AMMECR1: variants seen among roughly 807,000 people sequenced by gnomAD.
AMMECR1 encodes the protein AMMECR nuclear protein 1.
Under a neutral mutation model 22.5 loss-of-function variants are expected in AMMECR1, and 3 were observed. The ratio of observed to expected loss-of-function variants is 0.13; its 90% CI spans 0.06 to 0.35. The LOEUF is 0.35. Among genes scored for constraint, AMMECR1 ranks in the 10% least tolerant of loss-of-function variants. The pLI, the probability that AMMECR1 is intolerant of heterozygous loss-of-function variation, is 1.00. For synonymous variants in AMMECR1, 130 were observed against 116.7 expected (o/e 1.11, Z -0.74); for missense variants, 235 against 278.7 (o/e 0.84, Z 1.12).
intron 2 of AMMECR1, among the ~76,000 whole-genome samples, chrX:110,257,553 T>C (rs1394522145): frequency 8.9e-6 from 1 of 112,063 alleles, no homozygotes; most frequent in Non-Finnish European, 1.9e-5. Context: ...ATATGGTTGC[T>C]TTGATAATAA....
At chrX:110,398,986 T>C (rs1258631775) in intron 2 of AMMECR1, among the ~76,000 whole-genome samples, 1 of 112,086 alleles carries the variant, frequency 8.9e-6, no homozygotes, top group African/African-American at 3.2e-5. Flanking sequence ...GCCATATATG[T>C]TGACTAGGAG....
At chrX:110,336,985 G>A (rs1204520510) in intron 2 of AMMECR1, among the ~76,000 whole-genome samples, 1 of 110,845 alleles carries the variant, frequency 9.0e-6, no homozygotes, top group African/African-American at 3.3e-5. Context: ...TGACTCTCTT[G>A]CCTTTGAATT....
At chrX:110,318,290 C>T (rs1417182496), upstream of AMMECR1, 1 of 117,182 alleles carries the variant, frequency 8.5e-6, no homozygotes, top group African/African-American at 3.3e-5. Flanking sequence ...CGCCTCGCGC[C>T]TGTCCCGCCC....
At chrX:110,435,752 C>T (rs1273941592) in intron 1 of AMMECR1, among the ~76,000 whole-genome samples, 1 of 112,048 alleles carries the variant, frequency 8.9e-6, no homozygotes, top group African/African-American at 3.2e-5. Context: ...ACATTTTACA[C>T]TCATCATCTC....
At chrX:110,326,980 C>G (rs1035183798) in intron 2 of AMMECR1, among the ~76,000 whole-genome samples, 3 of 111,888 alleles carry the variant, frequency 2.7e-5, no homozygotes, top group African/African-American at 6.5e-5. Context: ...ATGATTATGA[C>G]TAGATTTCTG....
At chrX:110,224,019 CAAAT>C (rs1277190195) in intron 2 of AMMECR1, among the ~76,000 whole-genome samples, 2 of 111,560 alleles carry the variant, frequency 1.8e-5, no homozygotes, top group African/African-American at 6.5e-5. Context: ...GCAACTGTAA[CAAAT>C]AAAATAATAA....
chrX:110,431,352 T>TGC (rs1556199914), intron 1 of AMMECR1, among the ~76,000 whole-genome samples: 1 of 109,475 alleles, frequency 9.1e-6, no homozygotes, highest in Non-Finnish European at 1.9e-5. Context: ...TGTGTGTGTG[T>TGC]GTGCTGGCTG....
rs373373619 is a variant in AMMECR1, at chrX:110,329,084, A to G, written c.-147-11235T>C. Among the ~76,000 whole-genome samples, 557 of 112,277 alleles carry G rather than the reference A, an allele frequency of 5.0e-3. 4 individuals carry two copies. The highest frequency in any genetic ancestry group is 0.017 in the African/African-American group (523 of 30,884). On this transcript the variant is annotated intron_variant, in intron 2 of 7. Coordinates refer to the AMMECR1 transcript ENST00000372057. ...GTTGAACTAATTTGCACTCCCACCA[A>G]TGTAAAAGCGTTCCCATTTCTCCAC...
At chrX:110,241,482 AG>A (rs2067632279) in intron 2 of AMMECR1, among the ~76,000 whole-genome samples, 1 of 112,088 alleles carries the variant, frequency 8.9e-6, no homozygotes, top group African/African-American at 3.2e-5. Flanking sequence ...TAGAAAATCT[AG>A]AAGAAATGGA....
intron 2 of AMMECR1, among the ~76,000 whole-genome samples, chrX:110,262,271 A>C (rs1471037676): frequency 1.8e-5 from 2 of 112,307 alleles, no homozygotes; most frequent in Non-Finnish European, 1.9e-5. Context: ...AAAGAAATTA[A>C]GCCAAACAAA....
chrX:110,435,606 T>A (rs1020754480), intron 1 of AMMECR1, among the ~76,000 whole-genome samples: 2 of 111,856 alleles, frequency 1.8e-5, no homozygotes, highest in African/African-American at 6.5e-5. Flanking sequence ...CCACTTTCTT[T>A]CTGAGTCTCC....
At chrX:110,279,738 T>C (rs1168977250) in intron 1 of AMMECR1, among the ~76,000 whole-genome samples, 5 of 111,973 alleles carry the variant, frequency 4.5e-5, no homozygotes, top group Non-Finnish European at 9.4e-5. Flanking sequence ...AGTTATTTTA[T>C]ACCTAGAATG....
At chrX:110,244,549 A>C (rs878900907) in intron 2 of AMMECR1, among the ~76,000 whole-genome samples, 2 of 111,870 alleles carry the variant, frequency 1.8e-5, no homozygotes, top group Admixed American at 9.5e-5. Context: ...AACTAGAGCT[A>C]ATTTCTCCCA....
chrX:110,429,080 C>T (rs894902385), intron 1 of AMMECR1, among the ~76,000 whole-genome samples: 2 of 111,854 alleles, frequency 1.8e-5, no homozygotes, highest in Non-Finnish European at 1.9e-5. Context: ...CCTGTAGATC[C>T]ACCCTGTTCT....
intron 2 of AMMECR1, among the ~76,000 whole-genome samples, chrX:110,239,633 G>A (rs2067620315): frequency 9.0e-6 from 1 of 111,725 alleles, no homozygotes; most frequent in African/African-American, 3.3e-5. Flanking sequence ...CACTCTTCAG[G>A]ATATTATCCA....
chrX:110,362,186 CA>C (rs997746793), intron 2 of AMMECR1, among the ~76,000 whole-genome samples: 1 of 111,820 alleles, frequency 8.9e-6, no homozygotes, highest in African/African-American at 3.2e-5. Context: ...GAATCCTGAA[CA>C]AAATCTAGCT....
At chrX:110,275,813 A>T (rs892830645) in intron 1 of AMMECR1, among the ~76,000 whole-genome samples, 2 of 111,570 alleles carry the variant, frequency 1.8e-5, no homozygotes, top group Non-Finnish European at 3.8e-5. Context: ...CTGGGCAACA[A>T]GAGTGAAACT....
intron 1 of AMMECR1, among the ~76,000 whole-genome samples, chrX:110,270,538 AAAG>A (rs1264176124): frequency 9.0e-6 from 1 of 111,615 alleles, no homozygotes; most frequent in Non-Finnish European, 1.9e-5. Context: ...CTAAAAGACC[AAAG>A]AATAGGAAAA....
At chrX:110,335,659 A>C (rs1343330787) in intron 2 of AMMECR1, among the ~76,000 whole-genome samples, 1 of 111,778 alleles carries the variant, frequency 8.9e-6, no homozygotes, top group Non-Finnish European at 1.9e-5. Flanking sequence ...ATCAGTTTCC[A>C]CTTTACCTTA....
Sources: gnomAD v4.1 joint callset for allele counts (sites outside exome capture counted in the v4.1 genomes callset) on GRCh38, gnomAD v4.1.1 for gene constraint, MANE v1.5 for transcripts, NCBI Gene and HGNC (gene_info 2026-07-23, HGNC 2026-07-21) for gene names.